Variants in RBFOX1 observed in about 807,000 individuals in gnomAD.
RBFOX1 encodes RNA binding fox-1 homolog 1.
In RBFOX1, 8 loss-of-function variants were observed where a neutral mutation model predicts 57.7. That is an observed-to-expected ratio of 0.14 (90% CI 0.08 to 0.25). RBFOX1 has a LOEUF of 0.25. RBFOX1 is among the 10% of genes least tolerant of loss of function. The pLI, the probability that RBFOX1 is intolerant of heterozygous loss-of-function variation, is 1.00. For synonymous variants in RBFOX1, 326 were observed against 222.4 expected (o/e 1.47, Z -4.15); for missense variants, 611 against 548.5 (o/e 1.11, Z -1.14).
At chr16:6,039,205 G>A (rs2152410450) in intron 1 of RBFOX1, among the ~76,000 whole-genome samples, 1 of 151,842 alleles carries the variant, frequency 6.6e-6, no homozygotes, top group Non-Finnish European at 1.5e-5. Flanking sequence ...GCCTGGTCGG[G>A]GCAAGTCCTG....
At chr16:5,563,357 T>C (rs1457108672) in intron 2 of RBFOX1, among the ~76,000 whole-genome samples, 1 of 152,240 alleles carries the variant, frequency 6.6e-6, no homozygotes, top group Non-Finnish European at 1.5e-5. Flanking sequence ...CCTCCAAATA[T>C]AAAGCGAAGG....
At chr16:7,337,652 C>T (rs551560701) in intron 4 of RBFOX1, among the ~76,000 whole-genome samples, 2 of 152,106 alleles carry the variant, frequency 1.3e-5, no homozygotes, top group Non-Finnish European at 2.9e-5. Flanking sequence ...CCATGACTCA[C>T]GCAGGTGAAT....
At chr16:7,335,824 T>A (rs1185051337) in intron 4 of RBFOX1, among the ~76,000 whole-genome samples, 1 of 152,174 alleles carries the variant, frequency 6.6e-6, no homozygotes, top group Non-Finnish European at 1.5e-5. Flanking sequence ...CCTGAACCCA[T>A]TATTTTATGT....
intron 3 of RBFOX1, among the ~76,000 whole-genome samples, chr16:5,667,864 A>G (rs1376002482): frequency 6.6e-6 from 1 of 152,214 alleles, no homozygotes; most frequent in Non-Finnish European, 1.5e-5. Context: ...TGAAGTGGGG[A>G]TGAGCTTATT....
At chr16:6,610,942 G>T (rs2098039942) in intron 2 of RBFOX1, among the ~76,000 whole-genome samples, 1 of 152,174 alleles carries the variant, frequency 6.6e-6, no homozygotes. Context: ...AAATGTGGAA[G>T]ATCATAATAT....
intron 3 of RBFOX1, among the ~76,000 whole-genome samples, chr16:5,654,675 G>A (rs1344835486): frequency 2.0e-5 from 3 of 152,090 alleles, no homozygotes; most frequent in South Asian, 2.1e-4. Context: ...ATGACAGTCC[G>A]AGACTGACCA....
chr16:6,318,962 G>A (rs2081430644), intron 2 of RBFOX1, among the ~76,000 whole-genome samples: 2 of 151,854 alleles, frequency 1.3e-5, no homozygotes, highest in Admixed American at 1.3e-4. Context: ...ATCCCCTTCA[G>A]AGACCAAGCA....
At chr16:7,426,787 C>G (rs1035917461) in intron 4 of RBFOX1, among the ~76,000 whole-genome samples, 7 of 152,126 alleles carry the variant, frequency 4.6e-5, no homozygotes, top group Non-Finnish European at 1.0e-4. Flanking sequence ...GAGACTACAC[C>G]TACAGGGGTG....
intron 4 of RBFOX1, among the ~76,000 whole-genome samples, chr16:5,872,140 T>C (rs748871151): frequency 6.6e-6 from 1 of 152,180 alleles, no homozygotes; most frequent in South Asian, 2.1e-4. Flanking sequence ...ACCAGTGCGT[T>C]TGAGAAAGGG....
intron 4 of RBFOX1, among the ~76,000 whole-genome samples, chr16:5,997,260 G>A (rs536775972): frequency 2.0e-5 from 3 of 152,342 alleles, no homozygotes; most frequent in Non-Finnish European, 4.4e-5. Context: ...GAATGAAGAT[G>A]TTGGAGCCTG....
intron 10 of RBFOX1, chr16:7,614,586 A>T (rs895506670): frequency 2.6e-5 from 4 of 152,170 alleles, no homozygotes; most frequent in Admixed American, 6.5e-5. Flanking sequence ...TGCTCCCCCC[A>T]AAAGCAGGGG....
intron 5 of RBFOX1, among the ~76,000 whole-genome samples, chr16:7,529,018 G>A (rs1434422618): frequency 6.6e-6 from 1 of 152,190 alleles, no homozygotes; most frequent in East Asian, 1.9e-4. Context: ...CAGCACTTTG[G>A]GAGGCCAAAG....
In RBFOX1 at chr16:6,199,624, C is replaced by G. The variant is rs185332803; in HGVS notation, c.-126-117371C>G. Reference sequence around the variant, plus strand: ...TTGGTTTTGTATTAACTAAATAATACTTACCTGATGCAGATAATTTAAGTT... The same window carrying G: ...TTGGTTTTGTATTAACTAAATAATAGTTACCTGATGCAGATAATTTAAGTT... On this transcript the variant is annotated intron_variant, in intron 1 of 15. Coordinates refer to ENST00000550418, the MANE Select transcript of RBFOX1 (RefSeq NM_018723.4). Among the ~76,000 whole-genome samples the G allele has an allele frequency of 6.6e-5, 10 of 152,292 alleles. No homozygotes were observed. In the East Asian group the frequency reaches 1.7e-3, roughly 26 times the overall value.
chr16:7,181,267 G>C (rs546823194), intron 4 of RBFOX1, among the ~76,000 whole-genome samples: 1 of 152,228 alleles, frequency 6.6e-6, no homozygotes, highest in East Asian at 1.9e-4. Flanking sequence ...AGAACTGAAG[G>C]AGTACCAGAA....
rs146761641 is a variant in RBFOX1, at chr16:6,946,862, G to T, written c.-15-105195G>T. Among the ~76,000 whole-genome samples, 628 of 152,104 alleles carry T rather than the reference G, an allele frequency of 4.1e-3. 6 individuals carry two copies. Among genetic ancestry groups the T allele is most frequent in the Middle Eastern group, 0.014 (4 of 294 alleles). ...AATCTCAAGCAATCCTCCTGCCTTG[G>T]CCTCCCCAAGTGCTGGGATTATAGG... On this transcript the variant is annotated intron_variant, in intron 3 of 15. Coordinates refer to ENST00000550418, the MANE Select transcript of RBFOX1 (RefSeq NM_018723.4).
At chr16:6,841,221 T>C (rs1389711239) in intron 3 of RBFOX1, among the ~76,000 whole-genome samples, 2 of 152,184 alleles carry the variant, frequency 1.3e-5, no homozygotes, top group African/African-American at 4.8e-5. Flanking sequence ...ATAAACATTA[T>C]AATAATGGTC....
intron 5 of RBFOX1, among the ~76,000 whole-genome samples, chr16:7,550,529 A>G (rs1236255314): frequency 6.6e-6 from 1 of 152,200 alleles, no homozygotes; most frequent in Non-Finnish European, 1.5e-5. Context: ...TTATTAAATT[A>G]TCACTCTACA....
At chr16:6,099,717 T>C (rs980108865) in intron 1 of RBFOX1, among the ~76,000 whole-genome samples, 1 of 152,190 alleles carries the variant, frequency 6.6e-6, no homozygotes, top group Non-Finnish European at 1.5e-5. Context: ...CTGTCCTTGA[T>C]TTTGAGAGGA....
intron 2 of RBFOX1, among the ~76,000 whole-genome samples, chr16:6,470,992 C>T (rs979721856): frequency 2.0e-5 from 3 of 152,162 alleles, no homozygotes; most frequent in African/African-American, 4.8e-5. Context: ...TCCAGTGTTC[C>T]TTTCTGCACA....
Sources: gnomAD v4.1 joint callset for allele counts (sites outside exome capture counted in the v4.1 genomes callset) on GRCh38, gnomAD v4.1.1 for gene constraint, MANE v1.5 for transcripts, NCBI Gene and HGNC (gene_info 2026-07-23, HGNC 2026-07-21) for gene names.